Variants in DMRT1 observed in about 807,000 individuals in gnomAD.
DMRT1 encodes doublesex- and mab-3-related transcription factor 1.
In DMRT1, 7 loss-of-function variants were observed where a neutral mutation model predicts 32.3. That is an observed-to-expected ratio of 0.22 (90% CI 0.12 to 0.41). The LOEUF (loss-of-function observed/expected upper bound fraction) is 0.41, where lower values mean the gene tolerates loss of function less well. DMRT1 is among the 10% of genes least tolerant of loss of function. The probability of loss-of-function intolerance (pLI) is 1.00; values close to 1 mark genes in which losing one functional copy is unlikely to be tolerated. For synonymous variants in DMRT1, 278 were observed against 206.1 expected, an observed-to-expected ratio of 1.35 and a Z score of -2.99; for missense variants, 625 against 500.5, an observed-to-expected ratio of 1.25 and a Z score of -2.37.
intron 2 of DMRT1, among the ~76,000 whole-genome samples, chr9:875,141 G>A (rs1401688007): frequency 6.6e-6 from 1 of 152,082 alleles, no homozygotes; most frequent in Non-Finnish European, 1.5e-5. Context: ...TATGTTTGTA[G>A]GAGTATGTGC....
intron 2 of DMRT1, among the ~76,000 whole-genome samples, chr9:862,419 C>T (rs912554735): frequency 2.7e-5 from 4 of 148,850 alleles, no homozygotes; most frequent in African/African-American, 9.9e-5. Flanking sequence ...GAGAATCAGG[C>T]AGGGAGGCTG....
At chr9:954,385 G>GCT in intron 4 of DMRT1, among the ~76,000 whole-genome samples, 1 of 152,144 alleles carries the variant, frequency 6.6e-6, no homozygotes, top group East Asian at 1.9e-4. Context: ...ATGAGGCTGT[G>GCT]GTAGGATAGG....
chr9:844,622 T>C (rs1838821614), intron 1 of DMRT1, among the ~76,000 whole-genome samples: 1 of 152,026 alleles, frequency 6.6e-6, no homozygotes, highest in African/African-American at 2.4e-5. Flanking sequence ...TTTTTGGCTA[T>C]GAGGAAAATT....
intron 3 of DMRT1, among the ~76,000 whole-genome samples, chr9:902,231 A>T (rs539626668): frequency 4.3e-4 from 64 of 149,778 alleles, no homozygotes; most frequent in Non-Finnish European, 8.0e-4. Context: ...TTTAAAACAT[A>T]AAGTGATGTA....
At chr9:938,338 G>A (rs1258359765) in intron 4 of DMRT1, among the ~76,000 whole-genome samples, 3 of 152,184 alleles carry the variant, frequency 2.0e-5, no homozygotes, top group Admixed American at 1.3e-4. Context: ...GATGGAAATT[G>A]AATTGAATCT....
intron 2 of DMRT1, among the ~76,000 whole-genome samples, chr9:882,479 T>C (rs1816769523): frequency 6.6e-6 from 1 of 152,206 alleles, no homozygotes; most frequent in Non-Finnish European, 1.5e-5. Context: ...GGAAACCTTT[T>C]CCAGTCCTTT....
At chr9:866,994 A>G (rs1472046090) in intron 2 of DMRT1, among the ~76,000 whole-genome samples, 1 of 152,114 alleles carries the variant, frequency 6.6e-6, no homozygotes, top group Non-Finnish European at 1.5e-5. Context: ...GTTTTTTTCT[A>G]AAAGATGTAG....
chr9:870,125 C>T (rs10977232), intron 2 of DMRT1, among the ~76,000 whole-genome samples: 45,142 of 152,104 alleles, frequency 0.3, 8,055 homozygotes, highest in Non-Finnish European at 0.4. Flanking sequence ...TTGCCGGGCG[C>T]GGTGGCTCAC....
At chr9:876,886 GAC>G (rs1303560882) in intron 2 of DMRT1, among the ~76,000 whole-genome samples, 2 of 144,330 alleles carry the variant, frequency 1.4e-5, no homozygotes, top group Non-Finnish European at 3.0e-5. Flanking sequence ...TTCCCCTTCT[GAC>G]ACGGCATGGT....
chr9:941,878 A>G (rs1252867966), intron 4 of DMRT1, among the ~76,000 whole-genome samples: 1 of 152,238 alleles, frequency 6.6e-6, no homozygotes, highest in Non-Finnish European at 1.5e-5. Context: ...CCTGGAATAA[A>G]TCTTATCTGG....
intron 3 of DMRT1, among the ~76,000 whole-genome samples, chr9:911,569 T>G (rs1359979845): frequency 7.5e-6 from 1 of 132,618 alleles, no homozygotes; most frequent in Admixed American, 8.9e-5. Flanking sequence ...TTCAGCTCAC[T>G]GCAACCTCTG....
intron 2 of DMRT1, among the ~76,000 whole-genome samples, chr9:885,200 G>T (rs1464641632): frequency 6.6e-6 from 1 of 152,178 alleles, no homozygotes; most frequent in Non-Finnish European, 1.5e-5. Flanking sequence ...TGAAGCCCCA[G>T]TGGGTGTGTG....
chr9:907,487 C>A (rs972214088), intron 3 of DMRT1, among the ~76,000 whole-genome samples: 1 of 152,160 alleles, frequency 6.6e-6, no homozygotes, highest in Non-Finnish European at 1.5e-5. Flanking sequence ...TTTTGTGAAC[C>A]CCCTGATATG....
At chr9:933,025 G>A (rs1381303322) in intron 4 of DMRT1, among the ~76,000 whole-genome samples, 1 of 151,896 alleles carries the variant, frequency 6.6e-6, no homozygotes, top group East Asian at 1.9e-4. Context: ...CGATTCTCCT[G>A]CCTCAGCCTC....
At chr9:852,713 A>G (rs1815207539) in intron 2 of DMRT1, among the ~76,000 whole-genome samples, 1 of 152,102 alleles carries the variant, frequency 6.6e-6, no homozygotes, top group South Asian at 2.1e-4. Flanking sequence ...GGGGACTTCC[A>G]TCCACACTCA....
chr9:857,112 C>T (rs74738504), intron 2 of DMRT1, among the ~76,000 whole-genome samples: 8,981 of 152,010 alleles, frequency 0.059, 799 homozygotes, highest in African/African-American at 0.2. Flanking sequence ...GTCAGGAGTT[C>T]GAAACCAGCC....
chr9:885,156 C>G (rs1457599542), intron 2 of DMRT1, among the ~76,000 whole-genome samples: 4 of 152,158 alleles, frequency 2.6e-5, no homozygotes, highest in Admixed American at 2.6e-4. Flanking sequence ...GGGCTCCGAC[C>G]CCATGGCAGT....
At chr9:889,358 T>G (rs1564226600) in intron 2 of DMRT1, among the ~76,000 whole-genome samples, 1 of 152,250 alleles carries the variant, frequency 6.6e-6, no homozygotes, top group African/African-American at 2.4e-5. Flanking sequence ...GGCAGACATC[T>G]GCTCTTCCAA....
intron 4 of DMRT1, among the ~76,000 whole-genome samples, chr9:936,798 C>G (rs1818902356): frequency 1.3e-5 from 2 of 151,336 alleles, no homozygotes; most frequent in Non-Finnish European, 2.9e-5. Context: ...CCTGATAATC[C>G]TTTCTTATTA....
Sources: gnomAD v4.1 joint callset for allele counts (sites outside exome capture counted in the v4.1 genomes callset) on GRCh38, gnomAD v4.1.1 for gene constraint, MANE v1.5 for transcripts, NCBI Gene and HGNC (gene_info 2026-07-23, HGNC 2026-07-21) for gene names.